DENND4C: variants seen among roughly 807,000 people sequenced by gnomAD.
DENND4C encodes the protein DENN domain containing 4C.
DENND4C carries 108 observed loss-of-function variants against 203.0 expected under a neutral mutation model. That is an observed-to-expected ratio of 0.53 (90% CI 0.46 to 0.62). The LOEUF (loss-of-function observed/expected upper bound fraction) is 0.62. DENND4C is among the 20% of genes least tolerant of loss of function. The pLI, the probability that DENND4C is intolerant of heterozygous loss-of-function variation, is 0.00. For synonymous variants in DENND4C, 871 were observed against 792.4 expected, an observed-to-expected ratio of 1.10 and a Z score of -1.67; for missense variants, 2,481 against 2,301.2, an observed-to-expected ratio of 1.08 and a Z score of -1.60.
intron 4 of DENND4C, among the ~76,000 whole-genome samples, chr9:19,289,744 G>A (rs1007547558): frequency 2.7e-5 from 4 of 148,986 alleles, no homozygotes; most frequent in Admixed American, 6.8e-5. Context: ...CACGAGAATC[G>A]CTTGAACCCA....
intron 1 of DENND4C, among the ~76,000 whole-genome samples, chr9:19,244,256 A>G (rs566982760): frequency 6.6e-6 from 1 of 151,984 alleles, no homozygotes; most frequent in Non-Finnish European, 1.5e-5. Context: ...GTCTTGAACT[A>G]CTGACCTCAG....
rs1837177507 is a variant in DENND4C, at chr9:19,295,183, AAC to A, written c.802-821_802-820del. On this transcript the variant is annotated intron_variant, in intron 5 of 32. Coordinates refer to ENST00000434457, the MANE Select transcript of DENND4C (RefSeq NM_001330640.2). ...TCAGGAGATAAAGACCATCCTGGCT[AAC>A]ACAGTGAAACCCCGTCTCTACTAAA... Among the ~76,000 whole-genome samples the A allele has an allele frequency of 2.6e-5, 4 of 152,128 alleles. No individual in the cohort carries two copies. The South Asian group carries it at 8.3e-4, about 32-fold the overall frequency.
chr9:19,232,712 C>G (rs1032489815), intron 1 of DENND4C, among the ~76,000 whole-genome samples: 8 of 152,120 alleles, frequency 5.3e-5, no homozygotes, highest in African/African-American at 1.4e-4. Flanking sequence ...TTACAAGGAA[C>G]TGTAGTGGTG....
In DENND4C at chr9:19,374,185, GTTT is replaced by G. The variant is rs1247925016; in HGVS notation, c.*2016_*2018del. 6.6e-6 allele frequency among the ~76,000 whole-genome samples: 1 copy of G among 151,912 alleles called. No individual in the cohort carries two copies. The highest frequency in any genetic ancestry group is 2.4e-5 in the African/African-American group (1 of 41,340). On this transcript the variant is annotated 3_prime_UTR_variant, in exon 33 of 33. Coordinates refer to ENST00000434457, the MANE Select transcript of DENND4C (RefSeq NM_001330640.2). ...GTAATCTTTAGAATCCCAATATTTT[GTTT>G]TTTCCATTCCTTCACTCGTAACTTG...
At chr9:19,327,982 G>C (rs1230941513) in intron 15 of DENND4C, 48 bp from the exon 16 acceptor site, 1 of 1,519,304 alleles carries the variant, frequency 6.6e-7, no homozygotes, top group African/African-American at 1.4e-5. Context: ...ATAATATGAA[G>C]AGTTGGTGTG....
intron 12 of DENND4C, among the ~76,000 whole-genome samples, chr9:19,321,671 C>G (rs568924638): frequency 2.0e-5 from 3 of 151,604 alleles, no homozygotes; most frequent in South Asian, 2.1e-4. Context: ...ATGGCGAAAC[C>G]CTGTCTCTAC....
At chr9:19,282,336 GCCT>G (rs1484013375) in intron 2 of DENND4C, among the ~76,000 whole-genome samples, 3 of 150,106 alleles carry the variant, frequency 2.0e-5, no homozygotes, top group Non-Finnish European at 4.4e-5. Flanking sequence ...GCTCACTGCA[GCCT>G]CCACCTCCTG....
At chr9:19,336,169 G>GTT in intron 18 of DENND4C, 101 bp from the exon 19 acceptor site, 1 of 958,510 alleles carries the variant, frequency 1.0e-6, no homozygotes, top group Non-Finnish European at 1.4e-6. Flanking sequence ...TTTTATATTT[G>GTT]TGTATATATA....
chr9:19,263,767 G>C lies in DENND4C; in HGVS notation c.-17-12391G>C, dbSNP rs150278430. Among the ~76,000 whole-genome samples the C allele has an allele frequency of 3.3e-5, 5 of 151,684 alleles. No individual in the cohort carries two copies. In the East Asian group the frequency reaches 9.7e-4, roughly 29 times the overall value. ...CCTTCCGGGTTCAAGCGATTTTCTT[G>C]CCTCAGCCTCCCGAGTAGCTGGGGA... On this transcript the variant is annotated intron_variant, in intron 1 of 32. Transcript: ENST00000434457.
intron 16 of DENND4C, among the ~76,000 whole-genome samples, chr9:19,330,585 G>A (rs1047554772): frequency 3.3e-5 from 5 of 151,848 alleles, no homozygotes; most frequent in Non-Finnish European, 7.4e-5. Flanking sequence ...TGATCCACCT[G>A]CCTCGGCCTC....
chr9:19,257,895 G>A (rs1828378999), intron 1 of DENND4C, among the ~76,000 whole-genome samples: 1 of 152,086 alleles, frequency 6.6e-6, no homozygotes, highest in Admixed American at 6.6e-5. Context: ...TTTGGGAGGG[G>A]GAGAATCGCT....
intron 2 of DENND4C, among the ~76,000 whole-genome samples, chr9:19,279,759 A>G (rs1403949268): frequency 6.6e-6 from 1 of 151,982 alleles, no homozygotes; most frequent in East Asian, 1.9e-4. Flanking sequence ...AGGTGGGAGG[A>G]TCACTGGAGC....
chr9:19,256,594 C>T (rs1023927981), intron 1 of DENND4C, among the ~76,000 whole-genome samples: 14 of 151,782 alleles, frequency 9.2e-5, no homozygotes, highest in African/African-American at 2.9e-4. Flanking sequence ...GGATTACAGG[C>T]GAGAGCCACC....
chr9:19,327,961 T>G, intron 15 of DENND4C, 69 bp from the exon 16 acceptor site: 3 of 1,421,894 alleles, frequency 2.1e-6, no homozygotes, highest in Non-Finnish European at 2.8e-6. Flanking sequence ...AATATTTGCC[T>G]AAACGCTGGA....
At position 19,298,083 on chromosome 9, in the gene DENND4C, C is replaced by T. The variant is rs921162284; in HGVS notation, c.1068C>T (p.Ile356=). The change falls in exon 7 of 33, where the codon ATC becomes ATT. Residue 356 remains isoleucine (I), a synonymous_variant. Coordinates refer to ENST00000434457, the MANE Select transcript of DENND4C (RefSeq NM_001330640.2). ...ACATTTCACATTTTATGCAAAACAT[C>T]CCTTTTCCTTCACCACAAAGACCGA... ...EKHISHFMQN[I]PFPSPQRPRI... is the part of the protein sequence containing the mutation. The T allele has an allele frequency of 8.7e-6, 14 of 1,609,228 alleles. No homozygotes were observed. The African/African-American group carries it at 1.7e-4, about 20-fold the overall frequency.
chr9:19,364,011 C>A (rs544199803), intron 30 of DENND4C, among the ~76,000 whole-genome samples: 58 of 152,176 alleles, frequency 3.8e-4, no homozygotes, highest in South Asian at 1.7e-3. Context: ...AAGACTCCAT[C>A]TCATAAAAGA....
At chr9:19,339,437 T>C (rs754626555) in intron 20 of DENND4C, among the ~76,000 whole-genome samples, 4 of 152,200 alleles carry the variant, frequency 2.6e-5, no homozygotes, top group Non-Finnish European at 5.9e-5. Flanking sequence ...TGTGGAATGT[T>C]TCTTAACTTA....
At chr9:19,262,675 A>G (rs1377901645) in intron 1 of DENND4C, among the ~76,000 whole-genome samples, 1 of 151,772 alleles carries the variant, frequency 6.6e-6, no homozygotes, top group African/African-American at 2.4e-5. Flanking sequence ...CAAGTGATCC[A>G]TCTGCCTCGG....
chr9:19,362,145 G>T (rs1826630271), intron 30 of DENND4C, among the ~76,000 whole-genome samples, 182 bp downstream of exon 30: 1 of 152,068 alleles, frequency 6.6e-6, no homozygotes. Context: ...GTGGTAGCAG[G>T]TGCCTGTAGT....
Sources: gnomAD v4.1 joint callset for allele counts (sites outside exome capture counted in the v4.1 genomes callset) on GRCh38, gnomAD v4.1.1 for gene constraint, MANE v1.5 for transcripts, NCBI Gene and HGNC (gene_info 2026-07-23, HGNC 2026-07-21) for gene names.